Variants in SLC4A4 observed in about 807,000 individuals in gnomAD.
SLC4A4 encodes solute carrier family 4 member 4, also known as electrogenic sodium bicarbonate cotransporter 1.
SLC4A4 carries 27 observed loss-of-function variants against 111.5 expected under a neutral mutation model. That is an observed-to-expected ratio of 0.24 (90% confidence interval 0.18 to 0.33). The LOEUF is 0.33. Among genes scored for constraint, SLC4A4 ranks in the 10% least tolerant of loss-of-function variants. SLC4A4 has a pLI of 1.00. For synonymous variants in SLC4A4, 443 were observed against 463.4 expected (o/e 0.96, Z 0.57); for missense variants, 909 against 1,315.5 (o/e 0.69, Z 4.78).
chr4:71,379,661 A>G (rs1717917698), intron 6 of SLC4A4, among the ~76,000 whole-genome samples: 1 of 152,206 alleles, frequency 6.6e-6, no homozygotes, highest in Non-Finnish European at 1.5e-5. Context: ...GAACCCATTC[A>G]GTTTTGTATT....
At chr4:71,552,884 G>T (rs1457832337) in intron 20 of SLC4A4, among the ~76,000 whole-genome samples, 1 of 151,674 alleles carries the variant, frequency 6.6e-6, no homozygotes, top group East Asian at 2.0e-4. Flanking sequence ...ACTTAAGATG[G>T]AGTTCCATCT....
chr4:71,381,304 A>G (rs996700010), intron 6 of SLC4A4, among the ~76,000 whole-genome samples: 10 of 152,300 alleles, frequency 6.6e-5, no homozygotes, highest in Admixed American at 6.5e-4. Context: ...TGTAGGTTTC[A>G]AGGTTGAATT....
chr4:71,076,364 C>T (rs747480491), intron 1 of SLC4A4, among the ~76,000 whole-genome samples: 3 of 152,138 alleles, frequency 2.0e-5, no homozygotes, highest in Non-Finnish European at 4.4e-5. Flanking sequence ...AACCCTGTCT[C>T]GACTAAAAAT....
intron 1 of SLC4A4, among the ~76,000 whole-genome samples, chr4:71,063,434 T>C (rs1741436835): frequency 6.6e-6 from 1 of 152,172 alleles, no homozygotes; most frequent in African/African-American, 2.4e-5. Flanking sequence ...TTAGCTATTG[T>C]TAAATTATCA....
At chr4:71,510,727 AG>A (rs1731839911) in intron 16 of SLC4A4, among the ~76,000 whole-genome samples, 1 of 152,172 alleles carries the variant, frequency 6.6e-6, no homozygotes, top group African/African-American at 2.4e-5. Context: ...TAACTTTTAT[AG>A]GTACAGACTT....
intron 8 of SLC4A4, among the ~76,000 whole-genome samples, chr4:71,445,420 T>G (rs1228878744): frequency 6.6e-6 from 1 of 152,158 alleles, no homozygotes; most frequent in Non-Finnish European, 1.5e-5. Flanking sequence ...TTCCATAATA[T>G]GTATTTGTAA....
chr4:71,327,280 G>A (rs1004820696), intron 3 of SLC4A4, among the ~76,000 whole-genome samples: 4 of 151,952 alleles, frequency 2.6e-5, no homozygotes, highest in Non-Finnish European at 4.4e-5. Flanking sequence ...TGTGATTTCC[G>A]TGTCTTCTGA....
chr4:71,462,005 C>CT (rs551323444), intron 12 of SLC4A4, among the ~76,000 whole-genome samples: 17 of 151,908 alleles, frequency 1.1e-4, no homozygotes, highest in South Asian at 8.3e-4. Context: ...CCTAAAGAGG[C>CT]TTTTTTTTAC....
chr4:71,386,103 A>G (rs139708596), intron 6 of SLC4A4, among the ~76,000 whole-genome samples: 67 of 151,900 alleles, frequency 4.4e-4, no homozygotes, highest in African/African-American at 1.5e-3. Context: ...ATTGAAGACA[A>G]TTTTCTTCCA....
At chr4:71,261,691 A>C (rs969230705) in intron 3 of SLC4A4, among the ~76,000 whole-genome samples, 3 of 152,292 alleles carry the variant, frequency 2.0e-5, no homozygotes, top group South Asian at 2.1e-4. Flanking sequence ...TCTTGAAGTC[A>C]CCTTGAAGTG....
intron 21 of SLC4A4, among the ~76,000 whole-genome samples, chr4:71,557,363 A>T (rs560986416): frequency 9.2e-5 from 14 of 152,044 alleles, no homozygotes; most frequent in African/African-American, 3.4e-4. Context: ...ATCTTCCTTC[A>T]GCATATTAGT....
At chr4:71,282,417 C>T in intron 3 of SLC4A4, among the ~76,000 whole-genome samples, 1 of 151,806 alleles carries the variant, frequency 6.6e-6, no homozygotes, top group East Asian at 1.9e-4. Flanking sequence ...TCCTGAGTAG[C>T]TGGGATTACA....
chr4:71,409,259 C>G (rs1721145152), intron 7 of SLC4A4, among the ~76,000 whole-genome samples: 2 of 152,152 alleles, frequency 1.3e-5, no homozygotes, highest in African/African-American at 4.8e-5. Flanking sequence ...GAGGCTGGAA[C>G]AGTTTGGAGG....
intron 15 of SLC4A4, among the ~76,000 whole-genome samples, chr4:71,495,030 G>C (rs907519082): frequency 2.6e-5 from 4 of 152,090 alleles, no homozygotes; most frequent in Non-Finnish European, 5.9e-5. Context: ...TGAGATATGT[G>C]CATGCCACCT....
intron 12 of SLC4A4, among the ~76,000 whole-genome samples, chr4:71,457,521 G>T (rs1726390000): frequency 6.6e-6 from 1 of 152,160 alleles, no homozygotes. Flanking sequence ...ACCCTGGCTT[G>T]TGACTGTTTC....
Position 71,569,233 on chromosome 4 carries a change from T to A in SLC4A4, c.*1482T>A, listed in dbSNP as rs1737751713. On this transcript the variant is annotated 3_prime_UTR_variant, in exon 26 of 26. Transcript: ENST00000264485. ...AAAATGAGGGTAAATATAGTTTATT[T>A]CCCAGGTATCAGTCATTATAATTGA... is the stretch of plus-strand genomic sequence containing the variant. 6.6e-6 allele frequency: 1 copy of A among 151,650 alleles called. No individual in the cohort carries two copies. Among genetic ancestry groups the A allele is most frequent in the Non-Finnish European group, 1.5e-5 (1 of 67,796 alleles). The allele number at this position is 151,650 out of a possible 1,614,324, so 9.4% of individuals were successfully genotyped here.
intron 1 of SLC4A4, among the ~76,000 whole-genome samples, chr4:71,207,048 T>C (rs903203008): frequency 1.3e-5 from 2 of 152,140 alleles, no homozygotes; most frequent in African/African-American, 4.8e-5. Flanking sequence ...AGTAATCTTA[T>C]AAGGTTGTAA....
At chr4:71,445,818 A>G (rs1725174205) in intron 8 of SLC4A4, among the ~76,000 whole-genome samples, 2 of 152,248 alleles carry the variant, frequency 1.3e-5, no homozygotes. Flanking sequence ...TTAGAAAAAT[A>G]CACTTTACAG....
At chr4:71,398,040 C>T (rs1250016846) in intron 7 of SLC4A4, among the ~76,000 whole-genome samples, 1 of 152,022 alleles carries the variant, frequency 6.6e-6, no homozygotes, top group Non-Finnish European at 1.5e-5. Context: ...AATCACAGCA[C>T]TTTGGGAGGC....
Sources: gnomAD v4.1 joint callset for allele counts (sites outside exome capture counted in the v4.1 genomes callset) on GRCh38, gnomAD v4.1.1 for gene constraint, MANE v1.5 for transcripts, NCBI Gene and HGNC (gene_info 2026-07-23, HGNC 2026-07-21) for gene names.